Variants in TRIM2 observed in about 807,000 individuals in gnomAD.
TRIM2 encodes tripartite motif containing 2.
In TRIM2, 20 loss-of-function variants were observed where a neutral mutation model predicts 75.2. The ratio of observed to expected loss-of-function variants is 0.27; its 90% CI spans 0.19 to 0.39. The LOEUF is 0.39. Among genes scored for constraint, TRIM2 ranks in the 10% least tolerant of loss-of-function variants. The pLI is 1.00. For missense variants in TRIM2, 660 were observed against 990.8 expected, an observed-to-expected ratio of 0.67 and a Z score of 4.48; for synonymous variants, 373 against 388.3, an observed-to-expected ratio of 0.96 and a Z score of 0.46.
chr4:153,180,525 CAG>C (rs199772181), intron 1 of TRIM2, among the ~76,000 whole-genome samples: 3,635 of 152,318 alleles, frequency 0.024, 144 homozygotes, highest in African/African-American at 0.083. Context: ...TTTTTTGAGA[CAG>C]AGTCTTGCTG....
intron 1 of TRIM2, among the ~76,000 whole-genome samples, chr4:153,206,146 C>T (rs1389721394): frequency 6.6e-6 from 1 of 152,230 alleles, no homozygotes; most frequent in Admixed American, 6.5e-5. Flanking sequence ...CACAGTTTAA[C>T]TCAATTCTGA....
chr4:153,330,493 T>C (rs1579803963), intron 11 of TRIM2, among the ~76,000 whole-genome samples: 1 of 152,158 alleles, frequency 6.6e-6, no homozygotes, highest in Non-Finnish European at 1.5e-5. Flanking sequence ...AAGACTGGTT[T>C]AGTATTAGAA....
intron 1 of TRIM2, chr4:153,257,794 G>A (rs540559086): frequency 6.9e-4 from 266 of 387,222 alleles, no homozygotes; most frequent in Non-Finnish European, 1.0e-3. Flanking sequence ...AGACTGCTTA[G>A]TATTGTGCCA....
At chr4:153,278,747 A>G (rs1437192186) in intron 3 of TRIM2, among the ~76,000 whole-genome samples, 2 of 151,588 alleles carry the variant, frequency 1.3e-5, no homozygotes, top group African/African-American at 4.9e-5. Flanking sequence ...TCAGTGAGCC[A>G]TGATTGCGCC....
chr4:153,244,148 T>G (rs1747512993), intron 1 of TRIM2, among the ~76,000 whole-genome samples: 1 of 137,840 alleles, frequency 7.3e-6, no homozygotes, highest in Non-Finnish European at 1.6e-5. Flanking sequence ...CTTCTTGTTC[T>G]TCTTGTTCTT....
At chr4:153,211,353 G>A (rs1057425618) in intron 1 of TRIM2, among the ~76,000 whole-genome samples, 2 of 152,188 alleles carry the variant, frequency 1.3e-5, no homozygotes, top group African/African-American at 4.8e-5. Flanking sequence ...TTCCAAGGCT[G>A]GTTGTAAACC....
At chr4:153,187,435 G>A (rs1472130014) in intron 1 of TRIM2, among the ~76,000 whole-genome samples, 2 of 152,216 alleles carry the variant, frequency 1.3e-5, no homozygotes, top group African/African-American at 4.8e-5. Flanking sequence ...CCATGGCAGA[G>A]GGAAGAGGTG....
chr4:153,304,501 G>A lies in TRIM2; in HGVS notation c.1510+8465G>A, dbSNP rs184178857. ...AGGAAAAGAGTGTTTTATAGGAAGG[G>A]AAAGCAGGTACAAAGGCATGAAAGT... On this transcript the variant is annotated intron_variant, in intron 6 of 11. Transcript: ENST00000338700. Among the ~76,000 whole-genome samples, 4 of 152,160 alleles carry A rather than the reference G, an allele frequency of 2.6e-5. No individual in the cohort carries two copies. In the East Asian group the frequency reaches 7.7e-4, roughly 29 times the overall value.
chr4:153,198,769 G>T (rs1256800163), intron 1 of TRIM2, among the ~76,000 whole-genome samples: 3 of 152,206 alleles, frequency 2.0e-5, no homozygotes, highest in African/African-American at 7.2e-5. Context: ...GATAATGAGT[G>T]CAGTACTGGA....
chr4:153,195,156 A>G (rs1733636079), intron 1 of TRIM2, among the ~76,000 whole-genome samples: 1 of 152,220 alleles, frequency 6.6e-6, no homozygotes, highest in South Asian at 2.1e-4. Flanking sequence ...AAGGACAGAG[A>G]CACCATAGAG....
intron 3 of TRIM2, among the ~76,000 whole-genome samples, chr4:153,288,555 T>C (rs1014566075): frequency 6.6e-6 from 1 of 152,240 alleles, no homozygotes; most frequent in African/African-American, 2.4e-5. Flanking sequence ...TTATACTGTT[T>C]CCTGGTTTGG....
At chr4:153,322,234 C>T (rs1312144769) in intron 8 of TRIM2, among the ~76,000 whole-genome samples, 1 of 151,982 alleles carries the variant, frequency 6.6e-6, no homozygotes, top group African/African-American at 2.4e-5. Flanking sequence ...AAAGTGAAAC[C>T]CTGTCTCTAC....
At chr4:153,216,512 G>A (rs866977341) in intron 1 of TRIM2, among the ~76,000 whole-genome samples, 2 of 152,162 alleles carry the variant, frequency 1.3e-5, no homozygotes, top group African/African-American at 4.8e-5. Flanking sequence ...CAGAATAAGA[G>A]GGCAGCTTGT....
intron 3 of TRIM2, among the ~76,000 whole-genome samples, chr4:153,289,618 T>C (rs1415629629): frequency 6.6e-6 from 1 of 152,220 alleles, no homozygotes; most frequent in Non-Finnish European, 1.5e-5. Context: ...TGTCATCTCG[T>C]TTCTTATACT....
At chr4:153,330,673 ACC>A (rs1487559265) in intron 11 of TRIM2, among the ~76,000 whole-genome samples, 1 of 152,230 alleles carries the variant, frequency 6.6e-6, no homozygotes, top group Non-Finnish European at 1.5e-5. Flanking sequence ...AAAATTTAAT[ACC>A]CATTCATGAC....
At chr4:153,299,186 T>C (rs1763364436) in intron 6 of TRIM2, among the ~76,000 whole-genome samples, 2 of 152,334 alleles carry the variant, frequency 1.3e-5, no homozygotes, top group South Asian at 4.2e-4. Flanking sequence ...ACTATTTTAC[T>C]GTCTGTTGCT....
At chr4:153,190,791 G>A (rs1733101714) in intron 1 of TRIM2, among the ~76,000 whole-genome samples, 1 of 152,150 alleles carries the variant, frequency 6.6e-6, no homozygotes, top group African/African-American at 2.4e-5. Flanking sequence ...AGGCTAGAAT[G>A]CAGTGGCACG....
At chr4:153,225,424 C>A (rs1009610610) in intron 1 of TRIM2, among the ~76,000 whole-genome samples, 1 of 152,156 alleles carries the variant, frequency 6.6e-6, no homozygotes, top group Non-Finnish European at 1.5e-5. Context: ...AGAGGCTATT[C>A]TGTGAATGTT....
At chr4:153,325,395 C>A (rs533349258) in intron 10 of TRIM2, among the ~76,000 whole-genome samples, 2 of 152,204 alleles carry the variant, frequency 1.3e-5, no homozygotes, top group Non-Finnish European at 2.9e-5. Context: ...CACTCAAATG[C>A]AGATAATCTG....
Sources: allele counts gnomAD v4.1 joint callset (sites outside exome capture counted in the v4.1 genomes callset), GRCh38; gene constraint gnomAD v4.1.1; transcripts MANE v1.5; gene names NCBI Gene and HGNC (gene_info 2026-07-23, HGNC 2026-07-21).